The following ZBTB20 variants were observed in gnomAD, a reference collection of about 807,000 sequenced individuals.
ZBTB20 encodes the protein zinc finger and BTB domain-containing protein 20.
In ZBTB20, 9 loss-of-function variants were observed where a neutral mutation model predicts 56.9. The observed-to-expected ratio is 0.16, with a 90% CI of 0.10 to 0.28. ZBTB20 has a LOEUF of 0.28. ZBTB20 is among the 10% of genes least tolerant of loss of function. The pLI is 1.00. For missense variants in ZBTB20, 655 were observed against 1,003.0 expected (o/e 0.65, Z 4.69); for synonymous variants, 417 against 420.7 (o/e 0.99, Z 0.11).
At chr3:114,552,463 T>C (rs191477369) in intron 6 of ZBTB20, among the ~76,000 whole-genome samples, 75 of 152,154 alleles carry the variant, frequency 4.9e-4, no homozygotes, top group African/African-American at 1.4e-3. Flanking sequence ...AGTCATTCAC[T>C]AATCAGTTCT....
chr3:114,567,194 G>A lies in ZBTB20; in HGVS notation c.-294-66803C>T, dbSNP rs753242303. 7.9e-5 allele frequency among the ~76,000 whole-genome samples: 12 copies of A among 152,060 alleles called. 1 individual carries two copies. Among genetic ancestry groups the A allele is most frequent in the Admixed American group, 3.3e-4 (5 of 15,274 alleles). ...TTTTCTCTCTATTTGATGCTTGCTCGCAGGGTCCTATGTGTATCTTTTTCT... is the reference window on the plus strand; with the variant it reads ...TTTTCTCTCTATTTGATGCTTGCTCACAGGGTCCTATGTGTATCTTTTTCT... On this transcript the variant is annotated intron_variant, in intron 6 of 11. Transcript: ENST00000675478.
rs1353704860 is a variant in ZBTB20, at chr3:114,465,067, C to T, written c.-255+35285G>A. On this transcript the variant is annotated intron_variant, in intron 7 of 11. Transcript: ENST00000675478. ...TTGTTTTTAGGTAAAAACCTAAATT[C>T]TTGTACTTAAAAAAAAAAAAGCCAG... Among the ~76,000 whole-genome samples, 3 of 138,134 alleles carry T rather than the reference C, an allele frequency of 2.2e-5. No homozygotes were observed. In the East Asian group the frequency reaches 6.4e-4, roughly 29 times the overall value. The allele number at this position is 138,134 out of a possible 152,430, so 90.6% of individuals were successfully genotyped here.
chr3:114,933,857 T>C (rs2076440386), intron 3 of ZBTB20, among the ~76,000 whole-genome samples: 1 of 152,198 alleles, frequency 6.6e-6, no homozygotes, highest in Non-Finnish European at 1.5e-5. Context: ...TTAAATCTTC[T>C]ATTCCACCTA....
intron 6 of ZBTB20, among the ~76,000 whole-genome samples, chr3:114,631,382 CTTTTTTTTTTTT>C (rs66470152): frequency 4.0e-5 from 2 of 49,810 alleles, no homozygotes; most frequent in South Asian, 1.1e-3. Flanking sequence ...ATAGGTTATT[CTTTTTTTTTTTT>C]TTTTTTTTTT....
chr3:114,841,781 TGCTCA>T (rs1250819140), intron 4 of ZBTB20, among the ~76,000 whole-genome samples: 1 of 152,164 alleles, frequency 6.6e-6, no homozygotes, highest in Non-Finnish European at 1.5e-5. Context: ...TAGAAGGCAG[TGCTCA>T]GAGAGAAGCC....
chr3:114,975,268 TA>T lies in ZBTB20; in HGVS notation c.-506-853del, dbSNP rs2078049298. Reference sequence around the variant, plus strand: ...TGTTCCCATTAGAAAATGATCTCTCTAAATTTGCTATGAAATCTCAATGATG... The same window carrying T: ...TGTTCCCATTAGAAAATGATCTCTCTAATTTGCTATGAAATCTCAATGATG... On this transcript the variant is annotated intron_variant, in intron 2 of 11. Coordinates refer to ENST00000675478, the MANE Select transcript of ZBTB20 (RefSeq NM_001348800.3). Among the ~76,000 whole-genome samples, 3 of 152,316 alleles carry T rather than the reference TA, an allele frequency of 2.0e-5. No homozygotes were observed. In the South Asian group the frequency reaches 6.2e-4, roughly 32 times the overall value.
intron 4 of ZBTB20, among the ~76,000 whole-genome samples, chr3:114,899,226 C>T (rs1355725961): frequency 6.6e-6 from 1 of 152,120 alleles, no homozygotes; most frequent in Non-Finnish European, 1.5e-5. Context: ...TCTACCCCAA[C>T]AGCAACAGAA....
chr3:114,801,389 G>T (rs2071707498), intron 4 of ZBTB20, among the ~76,000 whole-genome samples: 2 of 129,458 alleles, frequency 1.5e-5, no homozygotes, highest in Admixed American at 1.7e-4. Context: ...AAAAGAAAAG[G>T]ATCTAAAGAG....
intron 5 of ZBTB20, among the ~76,000 whole-genome samples, chr3:114,789,150 C>A (rs2070763893): frequency 6.6e-6 from 1 of 152,080 alleles, no homozygotes; most frequent in African/African-American, 2.4e-5. Flanking sequence ...ATCTAAAGAG[C>A]AATTGTATAT....
intron 4 of ZBTB20, among the ~76,000 whole-genome samples, chr3:114,874,596 C>T (rs112959731): frequency 1.3e-5 from 2 of 152,278 alleles, no homozygotes; most frequent in African/African-American, 4.8e-5. Flanking sequence ...CAATAGAGAC[C>T]ACTGCCAGCA....
At chr3:114,668,289 C>T (rs1321408168) in intron 6 of ZBTB20, among the ~76,000 whole-genome samples, 1 of 151,956 alleles carries the variant, frequency 6.6e-6, no homozygotes, top group African/African-American at 2.4e-5. Context: ...GGGCAAGCCA[C>T]TTAACTTCTC....
intron 5 of ZBTB20, among the ~76,000 whole-genome samples, chr3:114,696,704 C>G (rs1052574619): frequency 2.0e-5 from 3 of 151,856 alleles, no homozygotes; most frequent in Admixed American, 1.3e-4. Flanking sequence ...AAATTGCATA[C>G]AAATCTCACT....
chr3:115,048,582 G>A (rs2081423337), intron 2 of ZBTB20, among the ~76,000 whole-genome samples: 1 of 152,098 alleles, frequency 6.6e-6, no homozygotes, highest in South Asian at 2.1e-4. Context: ...AAATGTTGAG[G>A]TAATTATTAC....
chr3:115,003,723 T>A lies in ZBTB20; in HGVS notation c.-506-29307A>T, dbSNP rs532179670. On this transcript the variant is annotated intron_variant, in intron 2 of 11. Coordinates refer to ENST00000675478, the MANE Select transcript of ZBTB20 (RefSeq NM_001348800.3). ...ACACTAAGTTTAACAAATATTATGTTTGCAAGTGTCAGGTGACAGGCATGT... is the reference window on the plus strand; with the variant it reads ...ACACTAAGTTTAACAAATATTATGTATGCAAGTGTCAGGTGACAGGCATGT... Among the ~76,000 whole-genome samples, 7 of 151,724 alleles carry A rather than the reference T, an allele frequency of 4.6e-5. No individual in the cohort carries two copies. The South Asian group carries it at 1.5e-3, about 31-fold the overall frequency.
At chr3:114,612,304 T>C (rs2057620941) in intron 6 of ZBTB20, among the ~76,000 whole-genome samples, 1 of 152,180 alleles carries the variant, frequency 6.6e-6, no homozygotes, top group African/African-American at 2.4e-5. Flanking sequence ...TAATGGCAGA[T>C]TGGTAATTTC....
At chr3:114,660,384 AG>A (rs2060655849) in intron 6 of ZBTB20, among the ~76,000 whole-genome samples, 1 of 152,190 alleles carries the variant, frequency 6.6e-6, no homozygotes, top group African/African-American at 2.4e-5. Context: ...TTGGTTTTAA[AG>A]GAAAAACATA....
At chr3:114,406,373 T>C (rs113740217) in intron 7 of ZBTB20, among the ~76,000 whole-genome samples, 453 of 152,262 alleles carry the variant, frequency 3.0e-3, no homozygotes, top group African/African-American at 0.01. Context: ...CAGGAAGACA[T>C]GAAACATCAA....
Position 114,323,260 on chromosome 3 carries a change from G to C in ZBTB20, c.*15745C>G, listed in dbSNP as rs549083901. 55 of 152,312 alleles carry C rather than the reference G, an allele frequency of 3.6e-4. No individual in the cohort carries two copies. The highest frequency in any genetic ancestry group is 1.3e-3 in the African/African-American group (52 of 41,566). The allele number at this position is 152,312 out of a possible 1,614,324, so 9.4% of individuals were successfully genotyped here. ...ACTATTAAGGTCTTCTGCTTAGTAA[G>C]GATAGTCTATGATGGAGCAGCTAGT... On this transcript the variant is annotated 3_prime_UTR_variant, in exon 12 of 12. Transcript: ENST00000675478.
rs77458896 is a variant in ZBTB20 at position 115,139,926 on chromosome 3, T to C, written c.-703+7293A>G. Among the ~76,000 whole-genome samples the C allele has an allele frequency of 3.9e-5, 6 of 152,172 alleles. No individual in the cohort carries two copies. The East Asian group carries it at 1.2e-3, about 29-fold the overall frequency. ...TACTTAATATCATATATCTATACTT[T>C]ACTAGTGTGCTATGTTAGAAAGCAT... On this transcript the variant is annotated intron_variant, in intron 1 of 11. Transcript: ENST00000675478.
Sources: allele counts gnomAD v4.1 joint callset (sites outside exome capture counted in the v4.1 genomes callset), GRCh38; gene constraint gnomAD v4.1.1; transcripts MANE v1.5; gene names NCBI Gene and HGNC (gene_info 2026-07-23, HGNC 2026-07-21).